WASF1: variants seen among roughly 807,000 people sequenced by gnomAD.
WASF1 encodes the protein WASP family member 1, also known as actin-binding protein WASF1.
WASF1 carries 7 observed loss-of-function variants against 50.5 expected under a neutral mutation model. The observed-to-expected ratio is 0.14, with a 90% CI of 0.08 to 0.26. WASF1 has a LOEUF of 0.26. WASF1 is among the 10% of genes least tolerant of loss of function. WASF1 has a pLI of 1.00. For missense variants in WASF1, 470 were observed against 694.7 expected (o/e 0.68, Z 3.64); for synonymous variants, 205 against 244.0 (o/e 0.84, Z 1.49).
chr6:110,168,470 A>G (rs1360951016), intron 2 of WASF1, among the ~76,000 whole-genome samples: 1 of 152,096 alleles, frequency 6.6e-6, no homozygotes, highest in Admixed American at 6.6e-5. Flanking sequence ...CACTGCCTCT[A>G]TCACAATGAA....
At position 110,100,582 on chromosome 6, in the gene WASF1, A is replaced by G. The variant is rs774242687; in HGVS notation, c.1620T>C (p.Ala540=). Residue 540 remains alanine (A), a synonymous_variant, in exon 11 of 11, where the codon GCT becomes GCC. Transcript: ENST00000392589. ...CATCTTCCGAATCACTATATTCAACAGCAATACGGCGAGACAGGATGGTGG... is the reference window on the plus strand; with the variant it reads ...CATCTTCCGAATCACTATATTCAACGGCAATACGGCGAGACAGGATGGTGG... ...DVATILSRRI[A]VEYSDSEDDS... is the part of the protein sequence containing the mutation. The G allele has an allele frequency of 7.4e-6, 12 of 1,613,852 alleles. No homozygotes were observed. In the South Asian group the frequency reaches 1.3e-4, roughly 18 times the overall value.
intron 6 of WASF1, among the ~76,000 whole-genome samples, chr6:110,108,137 C>CAAAAAAA (rs369773397): frequency 2.0e-5 from 1 of 50,200 alleles, no homozygotes; most frequent in Non-Finnish European, 3.3e-5. Flanking sequence ...GACTCCGCCT[C>CAAAAAAA]AAAAAAAAAA....
At chr6:110,125,382 C>T (rs1335656178) in intron 4 of WASF1, among the ~76,000 whole-genome samples, 1 of 152,174 alleles carries the variant, frequency 6.6e-6, no homozygotes, top group Admixed American at 6.5e-5. Flanking sequence ...CTGTGAACTA[C>T]CTCCTTTTGG....
At chr6:110,152,181 C>A (rs2114583019) in intron 3 of WASF1, among the ~76,000 whole-genome samples, 1 of 152,214 alleles carries the variant, frequency 6.6e-6, no homozygotes, top group South Asian at 2.1e-4. Flanking sequence ...GAAAGTAGAG[C>A]TTTCTCCAGC....
intron 2 of WASF1, among the ~76,000 whole-genome samples, chr6:110,176,295 C>T (rs894759519): frequency 6.6e-6 from 1 of 151,906 alleles, no homozygotes; most frequent in Non-Finnish European, 1.5e-5. Flanking sequence ...AAACGTAAGT[C>T]ACAAAGAATC....
At chr6:110,145,771 A>G (rs968521844) in intron 3 of WASF1, among the ~76,000 whole-genome samples, 3 of 152,096 alleles carry the variant, frequency 2.0e-5, no homozygotes, top group Non-Finnish European at 4.4e-5. Context: ...AAAATGTGGC[A>G]CATATATACC....
intron 7 of WASF1, among the ~76,000 whole-genome samples, chr6:110,106,297 C>G (rs1180594669): frequency 2.0e-5 from 3 of 152,196 alleles, no homozygotes; most frequent in Admixed American, 1.3e-4. Flanking sequence ...GCAAACAAAA[C>G]ACTCCCTACA....
At chr6:110,139,172 G>C (rs1034146407) in intron 3 of WASF1, among the ~76,000 whole-genome samples, 1 of 152,234 alleles carries the variant, frequency 6.6e-6, no homozygotes, top group African/African-American at 2.4e-5. Context: ...CCACAACTTT[G>C]CTCTGCCCTG....
intron 5 of WASF1, among the ~76,000 whole-genome samples, chr6:110,112,667 C>G (rs146456053): frequency 2.6e-5 from 4 of 151,944 alleles, no homozygotes; most frequent in African/African-American, 7.2e-5. Context: ...TTTGGGAGGC[C>G]GAGGTGGGCA....
chr6:110,125,218 T>A (rs1396492855), intron 4 of WASF1, among the ~76,000 whole-genome samples: 1 of 152,206 alleles, frequency 6.6e-6, no homozygotes, highest in South Asian at 2.1e-4. Flanking sequence ...ATAATTTAAT[T>A]TTTTCTTAGG....
intron 5 of WASF1, among the ~76,000 whole-genome samples, chr6:110,111,448 C>A (rs1004246436): frequency 6.6e-6 from 1 of 151,398 alleles, no homozygotes; most frequent in African/African-American, 2.4e-5. Context: ...AGAATATACA[C>A]AGAATTCCAA....
chr6:110,133,434 A>G (rs1336810036), intron 3 of WASF1, among the ~76,000 whole-genome samples: 4 of 152,068 alleles, frequency 2.6e-5, no homozygotes, highest in African/African-American at 4.8e-5. Context: ...CAAATGGTAG[A>G]TCTACTTTTA....
chr6:110,176,106 G>A (rs1776917876), intron 2 of WASF1, among the ~76,000 whole-genome samples: 1 of 151,836 alleles, frequency 6.6e-6, no homozygotes, highest in South Asian at 2.1e-4. Flanking sequence ...TAGTAAGTTA[G>A]AACTACCAAT....
intron 3 of WASF1, among the ~76,000 whole-genome samples, chr6:110,142,693 A>G (rs1232771186): frequency 2.0e-5 from 3 of 150,998 alleles, no homozygotes; most frequent in African/African-American, 7.4e-5. Context: ...AAGCAAATAT[A>G]AAATCAAATT....
rs1375383271 is a variant in WASF1, at chr6:110,101,691, A to C, written c.1419T>G (p.Ser473=). The C allele has an allele frequency of 2.5e-6, 4 of 1,613,926 alleles. No individual in the cohort carries two copies. In the African/African-American group the frequency reaches 4.0e-5, roughly 16 times the overall value. ...AAGCAGGTATAACTTGTGATGGAGG[A>C]GATGGAGGCATTAATGGAACATGGG... ...PGPHVPLMPP[S]PPSQVIPASE... Residue 473 remains serine (S), a synonymous_variant, in exon 10 of 11, where the codon TCT becomes TCG. Coordinates refer to ENST00000392589, the MANE Select transcript of WASF1 (RefSeq NM_003931.3).
chr6:110,151,319 C>A (rs982636064), intron 3 of WASF1, among the ~76,000 whole-genome samples: 1 of 152,172 alleles, frequency 6.6e-6, no homozygotes, highest in African/African-American at 2.4e-5. Flanking sequence ...AAACTAACCA[C>A]ATTTCATTCT....
chr6:110,170,612 T>C (rs1776667413), intron 2 of WASF1, among the ~76,000 whole-genome samples: 1 of 151,830 alleles, frequency 6.6e-6, no homozygotes, highest in African/African-American at 2.4e-5. Flanking sequence ...ATGTCAATAA[T>C]CACTTTAAAT....
At chr6:110,144,581 G>A (rs1424475367) in intron 3 of WASF1, among the ~76,000 whole-genome samples, 7 of 152,138 alleles carry the variant, frequency 4.6e-5, no homozygotes, top group Admixed American at 6.5e-5. Flanking sequence ...TTCTTCTAGG[G>A]TTTTTATGGT....
rs758077376 is a variant in WASF1, at chr6:110,107,119, C to T, written c.498G>A (p.Leu166=). The change falls in exon 7 of 11, where the codon TTG becomes TTA. Residue 166 remains leucine (L), a synonymous_variant. Transcript: ENST00000392589. The part of the protein sequence containing the change: ...YFFDLWKEKM[L]QDTEDKRKEK... The stretch of plus-strand genomic sequence containing the variant: ...CCTTCCTCTTATCCTCTGTATCTTG[C>T]AACATTTTTTCTTTCCATAGATCAA... 6.2e-7 allele frequency: 1 copy of T among 1,608,566 alleles called. No homozygotes were observed.
Sources: allele counts gnomAD v4.1 joint callset (sites outside exome capture counted in the v4.1 genomes callset), GRCh38; gene constraint gnomAD v4.1.1; transcripts MANE v1.5; gene names NCBI Gene and HGNC (gene_info 2026-07-23, HGNC 2026-07-21).